The following PCDHA10 variants were observed in gnomAD, a reference collection of about 807,000 sequenced individuals.
The protein encoded by PCDHA10 is protocadherin alpha 10, also known as protocadherin alpha-10.
A neutral mutation model predicts 61.2 loss-of-function variants in PCDHA10; 45 were observed. That is an observed-to-expected ratio of 0.74 (90% CI 0.58 to 0.94). The LOEUF is 0.94. Among genes scored for constraint, PCDHA10 ranks in the 40% least tolerant of loss-of-function variants. PCDHA10 has a pLI of 0.00. For missense variants in PCDHA10, 1,278 were observed against 1,236.2 expected, an observed-to-expected ratio of 1.03 and a Z score of -0.51; for synonymous variants, 602 against 548.8, an observed-to-expected ratio of 1.10 and a Z score of -1.35.
intron 1 of PCDHA10, among the ~76,000 whole-genome samples, chr5:140,978,222 G>C (rs997273847): frequency 6.6e-6 from 1 of 152,180 alleles, no homozygotes; most frequent in South Asian, 2.1e-4. Flanking sequence ...AATGTATCAG[G>C]TTTTTCTTGG....
At chr5:140,967,934 A>G (rs781977227) in intron 1 of PCDHA10, 4 of 1,614,172 alleles carry the variant, frequency 2.5e-6, no homozygotes, top group Non-Finnish European at 2.5e-6. Flanking sequence ...TCTCAGTGTC[A>G]ATGACCAAGA....
At position 140,928,212 on chromosome 5, in the gene PCDHA10, C is replaced by G. The variant is rs1388758279; in HGVS notation, c.2389-50737C>G. The G allele has an allele frequency of 2.5e-6, 4 of 1,614,106 alleles. No individual in the cohort carries two copies. The African/African-American group carries it at 5.3e-5, about 22-fold the overall frequency. On this transcript the variant is annotated intron_variant, in intron 1 of 3. Coordinates refer to ENST00000307360, the MANE Select transcript of PCDHA10 (RefSeq NM_018901.4). Reference sequence around the variant, plus strand: ...CTGTGTCAGTTGCTGATGTGAATGACAATACACCAAACTTTCCTCAACCCC... The same window carrying G: ...CTGTGTCAGTTGCTGATGTGAATGAGAATACACCAAACTTTCCTCAACCCC...
chr5:141,008,594 C>A (rs1018305560), intron 3 of PCDHA10, among the ~76,000 whole-genome samples: 1 of 152,214 alleles, frequency 6.6e-6, no homozygotes, highest in African/African-American at 2.4e-5. Context: ...GCAGATTTCA[C>A]CTCCTCTGGA....
chr5:140,922,085 AT>A (rs1453055437), intron 1 of PCDHA10, among the ~76,000 whole-genome samples: 1 of 152,194 alleles, frequency 6.6e-6, no homozygotes, highest in Non-Finnish European at 1.5e-5. Context: ...AAAAAGTGGT[AT>A]TTCTACCAAC....
intron 1 of PCDHA10, among the ~76,000 whole-genome samples, chr5:140,914,941 T>C (rs1554196635): frequency 6.9e-6 from 1 of 145,614 alleles, no homozygotes; most frequent in Non-Finnish European, 1.5e-5. Flanking sequence ...TGTGAAAAGT[T>C]GTCTTTTTTT....
chr5:140,888,129 A>G (rs2061706592), intron 1 of PCDHA10, among the ~76,000 whole-genome samples: 2 of 152,024 alleles, frequency 1.3e-5, no homozygotes, highest in Admixed American at 1.3e-4. Flanking sequence ...CTATGGATAT[A>G]TTTTCTTGCT....
intron 1 of PCDHA10, chr5:140,883,535 C>A: frequency 6.2e-7 from 1 of 1,614,248 alleles, no homozygotes; most frequent in South Asian, 1.1e-5. Flanking sequence ...AGCCTATGAA[C>A]TGGTGGTGAC....
At chr5:140,940,934 G>A (rs155815) in intron 1 of PCDHA10, among the ~76,000 whole-genome samples, 48,303 of 152,082 alleles carry the variant, frequency 0.32, 8,018 homozygotes, top group East Asian at 0.53. Flanking sequence ...TGGCTACTTA[G>A]ACTACGTATT....
At chr5:140,913,181 T>C (rs2076246657) in intron 1 of PCDHA10, among the ~76,000 whole-genome samples, 1 of 152,208 alleles carries the variant, frequency 6.6e-6, no homozygotes, top group Admixed American at 6.5e-5. Flanking sequence ...TCTTTAAATG[T>C]TTGGTAGAAT....
chr5:140,961,192 A>G (rs1322057564), intron 1 of PCDHA10, among the ~76,000 whole-genome samples: 1 of 152,170 alleles, frequency 6.6e-6, no homozygotes, highest in African/African-American at 2.4e-5. Flanking sequence ...ACAGGACCCT[A>G]GTGAGGTTGG....
chr5:140,864,619 T>A (rs895390232), intron 1 of PCDHA10: 2 of 152,222 alleles, frequency 1.3e-5, no homozygotes, highest in African/African-American at 4.8e-5. Flanking sequence ...TGTTCTTTTT[T>A]AAAAAGAAAA....
chr5:141,009,820 CT>C lies in PCDHA10; in HGVS notation c.2732del (p.Phe911SerfsTer2). On this transcript the variant is annotated frameshift_variant, in exon 4 of 4. Transcript: ENST00000307360. LOFTEE classifies it high-confidence loss of function. ...CTAACAGCCAAATTGACAAAAGTGACTTCATAACCTTCGGCAAAAAGGAGGA... is the reference window on the plus strand; with the variant it reads ...CTAACAGCCAAATTGACAAAAGTGACTCATAACCTTCGGCAAAAAGGAGGA... ...PTNSQIDKSDFITFGKKEETK... is the reference protein window; with the variant it reads ...PTNSQIDKSDXITFGKKEETK... 6.2e-7 allele frequency: 1 copy of C among 1,613,960 alleles called. No individual in the cohort carries two copies. Among genetic ancestry groups the C allele is most frequent in the Non-Finnish European group, 8.5e-7 (1 of 1,179,996 alleles).
intron 1 of PCDHA10, among the ~76,000 whole-genome samples, chr5:140,954,472 G>T (rs1031225118): frequency 8.5e-5 from 13 of 152,182 alleles, no homozygotes; most frequent in Admixed American, 6.5e-5. Context: ...TCTGACTGGT[G>T]TGAGAAGATA....
Position 141,009,631 on chromosome 5 carries a change from A to G in PCDHA10, c.2541A>G (p.Pro847=). 6.2e-7 allele frequency: 1 copy of G among 1,613,068 alleles called. No individual in the cohort carries two copies. The highest frequency in any genetic ancestry group is 8.5e-7 in the Non-Finnish European group (1 of 1,179,354). The change falls in exon 4 of 4, where the codon CCA becomes CCG. Residue 847 remains proline (P), a synonymous_variant. Transcript: ENST00000307360. ...WPTVSSATPE[P]EAGEVSPPVG... is the part of the protein sequence containing the mutation. ...TTGTAATGTTTTGTCTTTCAGAACC[A>G]GAGGCAGGAGAAGTGTCCCCTCCAG...
In PCDHA10 at chr5:140,856,808, C is replaced by T; in HGVS notation, c.760C>T (p.Gln254Ter). 6.3e-7 allele frequency: 1 copy of T among 1,594,492 alleles called. No homozygotes were observed. The highest frequency in any genetic ancestry group is 8.6e-7 in the Non-Finnish European group (1 of 1,164,590). Residue 254 changes from glutamine to a stop codon, truncating the protein, a stop_gained, in exon 1 of 4, where the codon CAA becomes TAA. Coordinates refer to ENST00000307360, the MANE Select transcript of PCDHA10 (RefSeq NM_018901.4). LOFTEE classifies it high-confidence loss of function. Reference protein sequence around the residue: ...PVYEVKMYENQVNQTLVIRLN... With the variant: ...PVYEVKMYEN ...TTATGAAGTTAAGATGTATGAAAAT[C>T]AAGTGAACCAAACATTAGTAATACG...
chr5:140,915,876 G>A (rs1373834228), intron 1 of PCDHA10, among the ~76,000 whole-genome samples: 1 of 152,136 alleles, frequency 6.6e-6, no homozygotes, highest in East Asian at 1.9e-4. Context: ...CTTCCCTTTA[G>A]GGTAGCAAGT....
At chr5:140,876,424 A>G in intron 1 of PCDHA10, 1 of 1,613,970 alleles carries the variant, frequency 6.2e-7, no homozygotes. Context: ...TGCCTATGAA[A>G]TTCAGGTTAA....
chr5:140,905,652 T>A (rs1554192111), intron 1 of PCDHA10, among the ~76,000 whole-genome samples: 1 of 152,240 alleles, frequency 6.6e-6, no homozygotes, highest in East Asian at 1.9e-4. Flanking sequence ...CAGTATTGAT[T>A]CCTGTCATCC....
At chr5:140,869,463 C>T (rs1554163094) in intron 1 of PCDHA10, 1 of 1,614,148 alleles carries the variant, frequency 6.2e-7, no homozygotes, top group South Asian at 1.1e-5. Context: ...TCCATGTGAA[C>T]GTGGAGGTGA....
Sources: gnomAD v4.1 joint callset for allele counts (sites outside exome capture counted in the v4.1 genomes callset) on GRCh38, gnomAD v4.1.1 for gene constraint, MANE v1.5 for transcripts, NCBI Gene and HGNC (gene_info 2026-07-23, HGNC 2026-07-21) for gene names.